The following MALRD1 variants were observed in gnomAD, a reference collection of about 807,000 sequenced individuals.
The protein encoded by MALRD1 is MAM and LDL receptor class A domain containing 1, also known as MAM and LDL-receptor class A domain-containing protein 1.
In MALRD1, 247 loss-of-function variants were observed where a neutral mutation model predicts 242.1. The observed-to-expected ratio is 1.02, with a 90% CI of 0.92 to 1.13. MALRD1 has a LOEUF of 1.13. Among genes scored for constraint, MALRD1 ranks in the 50% most tolerant of loss-of-function variants. The pLI is 0.00. For synonymous variants in MALRD1, 995 were observed against 866.6 expected (o/e 1.15, Z -2.60); for missense variants, 2,989 against 2,533.1 (o/e 1.18, Z -3.86).
intron 18 of MALRD1, among the ~76,000 whole-genome samples, chr10:19,244,718 A>G (rs1374887500): frequency 6.6e-6 from 1 of 152,204 alleles, no homozygotes; most frequent in Admixed American, 6.6e-5. Context: ...CGTGCAACCT[A>G]AAAACCAAGC....
intron 28 of MALRD1, among the ~76,000 whole-genome samples, chr10:19,404,308 C>T (rs537399745): frequency 2.6e-5 from 4 of 152,008 alleles, no homozygotes; most frequent in African/African-American, 7.2e-5. Context: ...GAAAAAATCT[C>T]GTACAATAAT....
At chr10:19,253,408 T>C (rs1839379208) in intron 18 of MALRD1, among the ~76,000 whole-genome samples, 1 of 151,944 alleles carries the variant, frequency 6.6e-6, no homozygotes, top group Non-Finnish European at 1.5e-5. Context: ...TTTATTGAGG[T>C]ATAATTTATA....
At chr10:19,335,057 T>A (rs1843543080) in intron 24 of MALRD1, among the ~76,000 whole-genome samples, 1 of 152,102 alleles carries the variant, frequency 6.6e-6, no homozygotes, top group Admixed American at 6.6e-5. Context: ...GGAAACATAT[T>A]AAAAACATAC....
At chr10:19,702,141 A>G (rs1049147272) in intron 38 of MALRD1, among the ~76,000 whole-genome samples, 2 of 152,206 alleles carry the variant, frequency 1.3e-5, no homozygotes, top group Non-Finnish European at 2.9e-5. Flanking sequence ...TTAGAAATGT[A>G]AATTTATAGT....
At chr10:19,231,140 T>C (rs1838046769) in intron 18 of MALRD1, among the ~76,000 whole-genome samples, 1 of 152,162 alleles carries the variant, frequency 6.6e-6, no homozygotes. Flanking sequence ...ACAACTCGTA[T>C]CTGAAGAATG....
intron 36 of MALRD1, among the ~76,000 whole-genome samples, chr10:19,619,138 C>G (rs11010709): frequency 0.11 from 16,946 of 152,044 alleles, 2,475 homozygotes; most frequent in African/African-American, 0.34. Context: ...TTCTGGACAG[C>G]TCATGTTCTT....
chr10:19,109,353 G>T (rs1334900727), intron 5 of MALRD1, among the ~76,000 whole-genome samples: 1 of 152,176 alleles, frequency 6.6e-6, no homozygotes, highest in South Asian at 2.1e-4. Context: ...ACCGGGTTGG[G>T]TGTGGCTTCT....
intron 26 of MALRD1, among the ~76,000 whole-genome samples, chr10:19,352,979 C>G (rs1395344362): frequency 6.6e-6 from 1 of 152,002 alleles, no homozygotes; most frequent in Non-Finnish European, 1.5e-5. Flanking sequence ...TTTTCTTAGC[C>G]AGTGATATGA....
At chr10:19,497,022 C>A (rs1035139519) in intron 30 of MALRD1, among the ~76,000 whole-genome samples, 2 of 151,884 alleles carry the variant, frequency 1.3e-5, no homozygotes, top group African/African-American at 4.8e-5. Context: ...TCTTTAGCAT[C>A]AAAAATAAAG....
chr10:19,391,103 T>C (rs1337662716), intron 28 of MALRD1, among the ~76,000 whole-genome samples: 1 of 152,166 alleles, frequency 6.6e-6, no homozygotes, highest in South Asian at 2.1e-4. Flanking sequence ...TTCTAGAAAG[T>C]GTAATACTAA....
intron 11 of MALRD1, among the ~76,000 whole-genome samples, chr10:19,151,208 C>T (rs1833933828): frequency 6.6e-6 from 1 of 151,964 alleles, no homozygotes; most frequent in Admixed American, 6.6e-5. Flanking sequence ...TCCAATGTCT[C>T]AATTTATTTG....
intron 28 of MALRD1, among the ~76,000 whole-genome samples, chr10:19,435,432 C>T (rs1834315531): frequency 6.6e-6 from 1 of 152,140 alleles, no homozygotes; most frequent in Non-Finnish European, 1.5e-5. Flanking sequence ...TGTTGTAGTA[C>T]TCAGGCCTTC....
Position 19,400,470 on chromosome 10 carries a change from C to G in MALRD1, c.4845+10861C>G, listed in dbSNP as rs543687020. On this transcript the variant is annotated intron_variant, in intron 28 of 39. Transcript: ENST00000454679. ...CAGCGACAAGGGAGGCTTCATGACGCAGACCTCATCTGCCTTGTTTACTGT... is the reference window on the plus strand; with the variant it reads ...CAGCGACAAGGGAGGCTTCATGACGGAGACCTCATCTGCCTTGTTTACTGT... Among the ~76,000 whole-genome samples the G allele has an allele frequency of 9.9e-5, 15 of 152,224 alleles. 1 individual carries two copies. In the South Asian group the frequency reaches 2.5e-3, roughly 25 times the overall value.
At chr10:19,620,806 A>T (rs894568945) in intron 36 of MALRD1, among the ~76,000 whole-genome samples, 1 of 152,060 alleles carries the variant, frequency 6.6e-6, no homozygotes, top group African/African-American at 2.4e-5. Context: ...AAAAGCATCA[A>T]TACATTGAAA....
chr10:19,403,264 C>T (rs528483952), intron 28 of MALRD1, among the ~76,000 whole-genome samples: 2 of 152,122 alleles, frequency 1.3e-5, no homozygotes, highest in Non-Finnish European at 2.9e-5. Flanking sequence ...TAAAAGTGGA[C>T]TTGGATGAAT....
intron 12 of MALRD1, among the ~76,000 whole-genome samples, chr10:19,159,392 G>A (rs189349530): frequency 3.3e-5 from 5 of 150,710 alleles, no homozygotes; most frequent in East Asian, 3.9e-4. Context: ...CTGTATCTTC[G>A]TATTCTAGAT....
chr10:19,246,757 C>A (rs2131768565), intron 18 of MALRD1, among the ~76,000 whole-genome samples: 1 of 152,176 alleles, frequency 6.6e-6, no homozygotes, highest in East Asian at 1.9e-4. Flanking sequence ...AAGTAATTCC[C>A]AGTTTTCAGG....
intron 31 of MALRD1, 147 bp downstream of exon 31, chr10:19,498,793 A>G (rs550798687): frequency 1.9e-5 from 18 of 936,102 alleles, no homozygotes; most frequent in African/African-American, 3.3e-5. Context: ...AGTCTCTTCT[A>G]TTGCAAACTC....
intron 25 of MALRD1, among the ~76,000 whole-genome samples, chr10:19,349,183 A>G (rs1430302819): frequency 6.6e-6 from 1 of 152,002 alleles, no homozygotes; most frequent in African/African-American, 2.4e-5. Context: ...CTGGTCTCGA[A>G]CTCCTGACCT....
Sources: allele counts gnomAD v4.1 joint callset (sites outside exome capture counted in the v4.1 genomes callset), GRCh38; gene constraint gnomAD v4.1.1; transcripts MANE v1.5; gene names NCBI Gene and HGNC (gene_info 2026-07-23, HGNC 2026-07-21).